The following ADAMTS16 variants were observed in gnomAD, a reference collection of about 807,000 sequenced individuals.
ADAMTS16 encodes the protein A disintegrin and metalloproteinase with thrombospondin motifs 16.
ADAMTS16 carries 94 observed loss-of-function variants against 145.8 expected under a neutral mutation model. That is an observed-to-expected ratio of 0.64 (90% confidence interval 0.55 to 0.77). The LOEUF (loss-of-function observed/expected upper bound fraction) is 0.77. Among genes scored for constraint, ADAMTS16 ranks in the 30% least tolerant of loss-of-function variants. The probability of loss-of-function intolerance (pLI) is 0.00; values close to 1 mark genes in which losing one functional copy is unlikely to be tolerated. For synonymous variants in ADAMTS16, 659 were observed against 604.3 expected, an observed-to-expected ratio of 1.09 and a Z score of -1.33; for missense variants, 1,585 against 1,591.5, an observed-to-expected ratio of 1.00 and a Z score of 0.07.
chr5:5,197,718 A>C (rs1206375331), intron 8 of ADAMTS16, among the ~76,000 whole-genome samples: 1 of 152,188 alleles, frequency 6.6e-6, no homozygotes, highest in East Asian at 1.9e-4. Flanking sequence ...TTCTTCTGTG[A>C]CTTTATTAAT....
chr5:5,193,192 T>C (rs1735712900), intron 8 of ADAMTS16, among the ~76,000 whole-genome samples: 1 of 152,112 alleles, frequency 6.6e-6, no homozygotes, highest in Non-Finnish European at 1.5e-5. Flanking sequence ...TGTACATGTA[T>C]GTTTGCGTGT....
At chr5:5,308,077 T>C (rs1307194336) in intron 21 of ADAMTS16, among the ~76,000 whole-genome samples, 3 of 152,292 alleles carry the variant, frequency 2.0e-5, no homozygotes, top group African/African-American at 7.2e-5. Flanking sequence ...CCGGCCAGGG[T>C]TGCATGACCA....
chr5:5,146,418 G>T lies in ADAMTS16; in HGVS notation c.464G>T (p.Arg155Ile). ...CFYQGSLRSHRNSSVALSTCQ... is the reference protein window; with the variant it reads ...CFYQGSLRSHINSSVALSTCQ... ...TATCAAGGCTCTTTGCGATCACACA[G>T]AAACTCCTCAGTGGCCCTTTCAACC... is the stretch of plus-strand genomic sequence containing the variant. The change falls in exon 3 of 23, where the codon AGA becomes ATA. Residue 155 changes from arginine to isoleucine, a missense_variant. Arg to Ile is a moderately conservative substitution (Grantham distance 97). This residue lies in a region of ADAMTS16 where 453 missense variants were observed against 412.1 expected (regional missense o/e 1.10). Transcript: ENST00000274181. 1 of 1,612,584 alleles carries T rather than the reference G, an allele frequency of 6.2e-7. No homozygotes were observed. Among genetic ancestry groups the T allele is most frequent in the Non-Finnish European group, 8.5e-7 (1 of 1,179,940 alleles).
At chr5:5,183,982 G>T (rs1735419978) in intron 4 of ADAMTS16, among the ~76,000 whole-genome samples, 1 of 152,200 alleles carries the variant, frequency 6.6e-6, no homozygotes, top group Non-Finnish European at 1.5e-5. Context: ...GAGGATATTG[G>T]TGATTGACAT....
At chr5:5,304,482 G>A (rs969041416) in intron 20 of ADAMTS16, among the ~76,000 whole-genome samples, 7 of 152,230 alleles carry the variant, frequency 4.6e-5, no homozygotes, top group African/African-American at 1.7e-4. Flanking sequence ...TGTCTGAACG[G>A]GGTATTGAGA....
At chr5:5,318,403 C>A (rs1734145233) in intron 22 of ADAMTS16, 122 bp downstream of exon 22, 4 of 1,025,244 alleles carry the variant, frequency 3.9e-6, no homozygotes, top group Non-Finnish European at 5.2e-6. Flanking sequence ...TCTCTCTTTG[C>A]ATCTTCTCCA....
Position 5,269,287 on chromosome 5 carries a change from C to T in ADAMTS16, c.2789+6504C>T, listed in dbSNP as rs183365725. ...CTTCACCCTCGCTCCCCTATACTACCCTGGTCACCTCAGCCTGGATACCCC... is the reference window on the plus strand; with the variant it reads ...CTTCACCCTCGCTCCCCTATACTACTCTGGTCACCTCAGCCTGGATACCCC... On this transcript the variant is annotated intron_variant, in intron 18 of 22. Transcript: ENST00000274181. This position sits in a 1 kb window ranked among gnomAD's most constrained non-coding sequence, Gnocchi z 4.3. Among the ~76,000 whole-genome samples the T allele has an allele frequency of 1.3e-5, 2 of 152,196 alleles. No homozygotes were observed. Among genetic ancestry groups the T allele is most frequent in the African/African-American group, 4.8e-5 (2 of 41,510 alleles).
intron 8 of ADAMTS16, among the ~76,000 whole-genome samples, chr5:5,192,150 A>G (rs929460448): frequency 1.3e-5 from 2 of 152,004 alleles, no homozygotes; most frequent in Non-Finnish European, 2.9e-5. Flanking sequence ...TGCTTGGCTA[A>G]TTTTTGTAAT....
At chr5:5,292,133 G>C (rs930769600) in intron 18 of ADAMTS16, among the ~76,000 whole-genome samples, 4 of 152,306 alleles carry the variant, frequency 2.6e-5, no homozygotes, top group African/African-American at 9.6e-5. Flanking sequence ...GACTTGAGTA[G>C]AAATTTCTAC....
chr5:5,220,204 G>A (rs1736555459), intron 10 of ADAMTS16, among the ~76,000 whole-genome samples: 1 of 137,806 alleles, frequency 7.3e-6, no homozygotes, highest in South Asian at 2.2e-4. Flanking sequence ...CTGTCACCCA[G>A]TCTAGAGTAC....
intron 10 of ADAMTS16, among the ~76,000 whole-genome samples, chr5:5,209,449 T>G (rs781746975): frequency 1.3e-5 from 2 of 152,244 alleles, no homozygotes; most frequent in Non-Finnish European, 2.9e-5. Flanking sequence ...GTATCAGTTT[T>G]CATTTGAGAA....
intron 18 of ADAMTS16, among the ~76,000 whole-genome samples, chr5:5,263,616 G>C (rs1424114957): frequency 6.6e-6 from 1 of 152,340 alleles, no homozygotes; most frequent in Non-Finnish European, 1.5e-5. Context: ...CAAGCTCTGT[G>C]CAGAGCCCAC....
At chr5:5,238,515 A>C (rs757805143) in intron 14 of ADAMTS16, among the ~76,000 whole-genome samples, 1 of 152,216 alleles carries the variant, frequency 6.6e-6, no homozygotes, top group Admixed American at 6.5e-5. Context: ...AAATTAAAAA[A>C]CACTGTAAGT....
intron 5 of ADAMTS16, among the ~76,000 whole-genome samples, chr5:5,187,312 TCTC>T (rs1735530726): frequency 6.6e-6 from 1 of 152,196 alleles, no homozygotes; most frequent in South Asian, 2.1e-4. Context: ...TCTCTCATCA[TCTC>T]ATTACCATGA....
intron 3 of ADAMTS16, among the ~76,000 whole-genome samples, chr5:5,178,344 C>T (rs1051247790): frequency 1.1e-4 from 16 of 152,204 alleles, no homozygotes; most frequent in African/African-American, 3.1e-4. Context: ...ATAATCCACC[C>T]GCCTGACATT....
Position 5,186,301 on chromosome 5 carries a change from G to GGGGGGTGTGTGT in ADAMTS16, c.963+51_963+52insGGGGTGTGTGTG, listed in dbSNP as rs368811446. 1.0e-4 allele frequency: 100 copies of GGGGGGTGTGTGT among 987,466 alleles called. 1 individual carries two copies. The African/African-American group carries it at 1.3e-3, about 13-fold the overall frequency. The allele number at this position is 987,466 out of a possible 1,614,324, so 61.2% of individuals were successfully genotyped here. ...CCACCTGTGTCATTGCACTTCGTAG[G>GGGGGGTGTGTGT]GTGTGTGTGTGTGTGTGTGTGTGTG... On this transcript the variant is annotated intron_variant, in intron 5 of 22. Coordinates refer to ENST00000274181, the MANE Select transcript of ADAMTS16 (RefSeq NM_139056.4).
At position 5,306,708 on chromosome 5, in the gene ADAMTS16, T is replaced by A; in HGVS notation, c.3391T>A (p.Phe1131Ile). The change falls in exon 21 of 23, where the codon TTT becomes ATT. Residue 1131 changes from phenylalanine (F) to isoleucine (I), a missense_variant. Coordinates refer to ENST00000274181, the MANE Select transcript of ADAMTS16 (RefSeq NM_139056.4). The part of the protein sequence containing the change: ...AAAGPSRGSW[F>I]ASPWSQCTAS... ...TGCGGGACCCTCGAGGGGCAGCTGGTTTGCCTCACCCTGGTCTCAGGTAGG... is the reference window on the plus strand; with the variant it reads ...TGCGGGACCCTCGAGGGGCAGCTGGATTGCCTCACCCTGGTCTCAGGTAGG... 2 of 1,611,614 alleles carry A rather than the reference T, an allele frequency of 1.2e-6. No homozygotes were observed. Among genetic ancestry groups the A allele is most frequent in the Admixed American group, 1.7e-5 (1 of 59,794 alleles).
intron 18 of ADAMTS16, 87 bp from the exon 19 acceptor site, chr5:5,303,181 G>C: frequency 1.5e-6 from 2 of 1,356,932 alleles, no homozygotes; most frequent in Non-Finnish European, 2.0e-6. Context: ...CTGGGAAATC[G>C]CGCCGCTGCC....
chr5:5,165,998 G>T (rs1482464783), intron 3 of ADAMTS16, among the ~76,000 whole-genome samples: 1 of 152,184 alleles, frequency 6.6e-6, no homozygotes, highest in Non-Finnish European at 1.5e-5. Context: ...ATTTTCAACA[G>T]CACAGAGTCC....
Sources: gnomAD v4.1 joint callset for allele counts (sites outside exome capture counted in the v4.1 genomes callset) on GRCh38, gnomAD v4.1.1 for gene constraint, gnomAD v4.1.1 regional missense constraint, Gnocchi (gnomAD v3.1) non-coding constraint, MANE v1.5 for transcripts, NCBI Gene and HGNC (gene_info 2026-07-23, HGNC 2026-07-21) for gene names.